Variants in UBAP2 observed in about 807,000 individuals in gnomAD.
UBAP2 encodes the protein ubiquitin-associated protein 2.
A neutral mutation model predicts 139.6 loss-of-function variants in UBAP2; 75 were observed. That is an observed-to-expected ratio of 0.54 (90% CI 0.45 to 0.65). The LOEUF (loss-of-function observed/expected upper bound fraction) is 0.65. Ranked by LOEUF, UBAP2 falls within the 30% of genes least tolerant of loss-of-function variation. UBAP2 has a pLI of 0.00. For synonymous variants in UBAP2, 526 were observed against 526.2 expected, an observed-to-expected ratio of 1.00 and a Z score of 0.01; for missense variants, 1,368 against 1,369.6, an observed-to-expected ratio of 1.00 and a Z score of 0.02.
rs986231024 is a variant in UBAP2 at position 33,937,663 on chromosome 9, G to A, written c.1930-1785C>T. ...TGGCTCATGCCTGTAATCCTGGCAC[G>A]TTGGGCAGCTGTGGTGGGTTGATCA... On this transcript the variant is annotated intron_variant, in intron 16 of 28. Coordinates refer to ENST00000379238, the MANE Select transcript of UBAP2 (RefSeq NM_001370062.2). Among the ~76,000 whole-genome samples the A allele has an allele frequency of 4.7e-5, 7 of 148,784 alleles. No homozygotes were observed. The East Asian group carries it at 7.9e-4, about 17-fold the overall frequency.
chr9:34,036,959 G>C (rs1233245586), intron 1 of UBAP2, among the ~76,000 whole-genome samples: 1 of 147,172 alleles, frequency 6.8e-6, no homozygotes, highest in Non-Finnish European at 1.5e-5. Context: ...TGGGACTATA[G>C]GCATGTGCCA....
In UBAP2 at chr9:33,992,216, C is replaced by G. The variant is rs947221347; in HGVS notation, c.289-3090G>C. Among the ~76,000 whole-genome samples, 16 of 152,048 alleles carry G rather than the reference C, an allele frequency of 1.1e-4. No individual in the cohort carries two copies. The East Asian group carries it at 3.1e-3, about 29-fold the overall frequency. ...CCAGCCTGACCAACATGGAGAAACCCCATCTCTACTAAAAATACAAAATTA... is the reference window on the plus strand; with the variant it reads ...CCAGCCTGACCAACATGGAGAAACCGCATCTCTACTAAAAATACAAAATTA... On this transcript the variant is annotated intron_variant, in intron 4 of 28. Coordinates refer to ENST00000379238, the MANE Select transcript of UBAP2 (RefSeq NM_001370062.2).
intron 6 of UBAP2, among the ~76,000 whole-genome samples, chr9:33,984,076 G>C (rs926938971): frequency 5.3e-5 from 8 of 151,954 alleles, no homozygotes; most frequent in Non-Finnish European, 1.2e-4. Flanking sequence ...GCTAATTTTT[G>C]TATTTTTATT....
Position 33,923,003 on chromosome 9 carries a change from A to G in UBAP2, c.3035T>C (p.Leu1012Pro), listed in dbSNP as rs1326524263. The G allele has an allele frequency of 6.2e-7, 1 of 1,614,176 alleles. No homozygotes were observed. The highest frequency in any genetic ancestry group is 1.1e-5 in the South Asian group (1 of 91,076). The change falls in exon 27 of 29, where the codon CTA becomes CCA. Residue 1012 changes from leucine to proline, a missense_variant. Transcript: ENST00000379238. ...GTAGACAGAACCAGTCATATCAGGTAGACCAGTGGTGCTTGAAGACACTGA... is the reference window on the plus strand; with the variant it reads ...GTAGACAGAACCAGTCATATCAGGTGGACCAGTGGTGCTTGAAGACACTGA... ...GVSVSSSTTG[L>P]PDMTGSVYNK...
At chr9:34,006,114 T>C (rs939210315) in intron 2 of UBAP2, among the ~76,000 whole-genome samples, 1 of 151,570 alleles carries the variant, frequency 6.6e-6, no homozygotes, top group African/African-American at 2.4e-5. Context: ...GCACCTGTAA[T>C]CCCAGCTACT....
chr9:33,966,981 A>T (rs753897235), intron 8 of UBAP2, among the ~76,000 whole-genome samples: 5 of 152,152 alleles, frequency 3.3e-5, no homozygotes, highest in Non-Finnish European at 5.9e-5. Context: ...GTAAAAACTA[A>T]ATGTCACAAC....
rs1825216881 is a variant in UBAP2, at chr9:33,941,666, C to G, written c.1912G>C (p.Ala638Pro). The G allele has an allele frequency of 3.1e-6, 5 of 1,614,146 alleles. No individual in the cohort carries two copies. The highest frequency in any genetic ancestry group is 4.2e-6 in the Non-Finnish European group (5 of 1,180,000). The change falls in exon 16 of 29, where the codon GCT becomes CCT. Residue 638 changes from alanine (A) to proline (P), a missense_variant. Transcript: ENST00000379238. ...CCACTTACCATGATGGTTCCTGGAG[C>G]TGACTCTGATGAACTCACAGGGCTT... ...YQSPVSSSES[A>P]PGTIMNGHGG...
intron 6 of UBAP2, among the ~76,000 whole-genome samples, chr9:33,978,927 C>CCCCT (rs1820397105): frequency 6.6e-6 from 1 of 152,188 alleles, no homozygotes; most frequent in Admixed American, 6.5e-5. Context: ...AGGAAACCAA[C>CCCCT]CCCTGTAACT....
chr9:34,042,496 A>G (rs1284957200), intron 1 of UBAP2, among the ~76,000 whole-genome samples: 3 of 134,686 alleles, frequency 2.2e-5, no homozygotes, highest in Non-Finnish European at 4.8e-5. Context: ...AAAAAAAAAA[A>G]GGAACAGTAG....
rs566017101 is a variant in UBAP2 at position 34,017,101 on chromosome 9, T to G, written c.48A>C (p.Lys16Asn). 27 of 1,612,412 alleles carry G rather than the reference T, an allele frequency of 1.7e-5. No individual in the cohort carries two copies. The Middle Eastern group carries it at 1.2e-3, about 69-fold the overall frequency. ...SSDHCRGARE[K>N]PQISAAQSTQ... ...TTGATTGTGCTGCTGAAATCTGTGG[T>G]TTTTCCCGAGCACCTCGACAATGGT... Residue 16 changes from lysine to asparagine, a missense_variant, in exon 2 of 29, where the codon AAA (lysine) becomes AAC (asparagine). Coordinates refer to ENST00000379238, the MANE Select transcript of UBAP2 (RefSeq NM_001370062.2).
intron 2 of UBAP2, among the ~76,000 whole-genome samples, chr9:34,002,503 G>C (rs1003451450): frequency 4.0e-5 from 6 of 150,420 alleles, no homozygotes; most frequent in Non-Finnish European, 7.4e-5. Flanking sequence ...TCAGCCTCCT[G>C]AATAGCTAGG....
rs1176466199 is a variant in UBAP2 at position 33,941,676 on chromosome 9, TG to T, written c.1901del (p.Ser634TyrfsTer10). On this transcript the variant is annotated frameshift_variant, in exon 16 of 29. Coordinates refer to ENST00000379238, the MANE Select transcript of UBAP2 (RefSeq NM_001370062.2). LOFTEE classifies it high-confidence loss of function. ...TGATGGTTCCTGGAGCTGACTCTGA[TG>T]AACTCACAGGGCTTTGGTATGGGAT... ...NRIPYQSPVS[S>X]SESAPGTIMN... 2 of 1,614,172 alleles carry T rather than the reference TG, an allele frequency of 1.2e-6. No homozygotes were observed. Among genetic ancestry groups the T allele is most frequent in the Non-Finnish European group, 1.7e-6 (2 of 1,180,028 alleles).
At chr9:33,986,093 C>T (rs1821183496) in intron 6 of UBAP2, among the ~76,000 whole-genome samples, 1 of 151,986 alleles carries the variant, frequency 6.6e-6, no homozygotes, top group African/African-American at 2.4e-5. Context: ...TGCTCACTTG[C>T]CCAGGCTGGA....
chr9:33,935,882 T>C lies in UBAP2; in HGVS notation c.1930-4A>G, dbSNP rs774572513. On this transcript the variant is annotated splice_polypyrimidine_tract_variant and splice_region_variant and intron_variant, in intron 16 of 28. Coordinates refer to ENST00000379238, the MANE Select transcript of UBAP2 (RefSeq NM_001370062.2). ...TTCGACCACCACCATGTCCATTCTA[T>C]AAGGAAAAGAAGAGAAGAGAATATA... 6.2e-7 allele frequency: 1 copy of C among 1,611,662 alleles called. No individual in the cohort carries two copies. The highest frequency in any genetic ancestry group is 1.7e-5 in the Admixed American group (1 of 59,288).
intron 2 of UBAP2, among the ~76,000 whole-genome samples, chr9:34,011,391 TAGAC>T (rs1160879843): frequency 2.6e-5 from 4 of 152,150 alleles, no homozygotes; most frequent in African/African-American, 7.2e-5. Flanking sequence ...ATAAAAGGGA[TAGAC>T]AGACTACTTC....
intron 1 of UBAP2, among the ~76,000 whole-genome samples, chr9:34,045,224 T>TAAAA (rs1827468577): frequency 6.6e-6 from 1 of 151,286 alleles, no homozygotes; most frequent in African/African-American, 2.4e-5. Flanking sequence ...CAGGCGCCAG[T>TAAAA]AGTCCCAGGT....
chr9:33,985,856 T>C lies in UBAP2; in HGVS notation c.520+904A>G, dbSNP rs375573509. On this transcript the variant is annotated intron_variant, in intron 6 of 28. Coordinates refer to ENST00000379238, the MANE Select transcript of UBAP2 (RefSeq NM_001370062.2). The stretch of plus-strand genomic sequence containing the variant: ...GGCCAACATGGTAAAACCCCATGTC[T>C]AGCAAAAATACAAAAATTAGCTGGG... Among the ~76,000 whole-genome samples the C allele has an allele frequency of 1.3e-4, 20 of 151,990 alleles. 2 individuals carry two copies. Among genetic ancestry groups the C allele is most frequent in the African/African-American group, 4.3e-4 (18 of 41,484 alleles).
rs745366106 is a variant in UBAP2, at chr9:33,944,385, G to A, written c.1525C>T (p.Arg509Trp). The A allele has an allele frequency of 9.9e-6, 16 of 1,612,866 alleles. No homozygotes were observed. Among genetic ancestry groups the A allele is most frequent in the East Asian group, 6.7e-5 (3 of 44,872 alleles). The change falls in exon 14 of 29, where the codon CGG becomes TGG. Residue 509 changes from arginine (R) to tryptophan (W), a missense_variant. Arg to Trp is a moderately radical substitution (Grantham distance 101). Transcript: ENST00000379238. ...QPKHIKLAKR[R>W]IPPASKIPAS... ...CCCACCTTAGAAGCTGGGGGTATCC[G>A]CCGCTTAGCAAGTTTGATGTGTTTG...
At chr9:34,040,465 A>T (rs1228931912) in intron 1 of UBAP2, among the ~76,000 whole-genome samples, 1 of 152,084 alleles carries the variant, frequency 6.6e-6, no homozygotes, top group Non-Finnish European at 1.5e-5. Context: ...CTAGTTAAAG[A>T]GGTTAGCTGA....
Sources: gnomAD v4.1 joint callset for allele counts (sites outside exome capture counted in the v4.1 genomes callset) on GRCh38, gnomAD v4.1.1 for gene constraint, MANE v1.5 for transcripts, NCBI Gene and HGNC (gene_info 2026-07-23, HGNC 2026-07-21) for gene names.